GNAQ: variants seen among roughly 807,000 people sequenced by gnomAD.
GNAQ encodes the protein guanine nucleotide-binding protein G(q) subunit alpha.
Under a neutral mutation model 43.9 loss-of-function variants are expected in GNAQ, and 8 were observed. That is an observed-to-expected ratio of 0.18 (90% CI 0.11 to 0.33). The LOEUF is 0.33. Ranked by LOEUF, GNAQ falls within the 10% of genes least tolerant of loss-of-function variation. The pLI is 1.00. For missense variants in GNAQ, 158 were observed against 450.8 expected (o/e 0.35, Z 5.88); for synonymous variants, 155 against 170.7 (o/e 0.91, Z 0.71).
intron 2 of GNAQ, among the ~76,000 whole-genome samples, chr9:77,879,879 G>T (rs1352948460): frequency 3.3e-5 from 5 of 152,130 alleles, no homozygotes; most frequent in Non-Finnish European, 5.9e-5. Context: ...TCTGAAATGT[G>T]GCGAGGCTTG....
intron 2 of GNAQ, among the ~76,000 whole-genome samples, chr9:77,909,309 C>T (rs899006656): frequency 1.3e-5 from 2 of 152,180 alleles, no homozygotes; most frequent in South Asian, 2.1e-4. Flanking sequence ...ATGATCTCAT[C>T]CTGTTGCCAT....
intron 2 of GNAQ, among the ~76,000 whole-genome samples, chr9:77,868,051 T>C (rs1432650402): frequency 1.3e-5 from 2 of 152,236 alleles, no homozygotes; most frequent in African/African-American, 2.4e-5. Flanking sequence ...GCATCTGTGA[T>C]CATCCCTTGT....
chr9:77,726,858 A>G (rs72734713), intron 6 of GNAQ, among the ~76,000 whole-genome samples: 5,019 of 152,246 alleles, frequency 0.033, 101 homozygotes, highest in Middle Eastern at 0.071. Flanking sequence ...GCTCTTAACT[A>G]TCTAGACCAC....
intron 2 of GNAQ, among the ~76,000 whole-genome samples, chr9:77,913,826 T>C (rs1370891553): frequency 6.6e-6 from 1 of 152,160 alleles, no homozygotes; most frequent in Non-Finnish European, 1.5e-5. Context: ...AATCCAGATA[T>C]ACATGTATTG....
intron 5 of GNAQ, among the ~76,000 whole-genome samples, chr9:77,742,142 G>A (rs536341556): frequency 9.9e-5 from 15 of 152,114 alleles, no homozygotes; most frequent in Non-Finnish European, 1.5e-4. Context: ...TTACTTGTAG[G>A]TACAACAAAT....
chr9:77,799,327 C>A (rs904449468), intron 3 of GNAQ, among the ~76,000 whole-genome samples: 1 of 152,162 alleles, frequency 6.6e-6, no homozygotes, highest in Non-Finnish European at 1.5e-5. Flanking sequence ...TTCTAAGATA[C>A]ATAACAAGGA....
intron 1 of GNAQ, among the ~76,000 whole-genome samples, chr9:77,955,098 C>T (rs1465084747): frequency 6.6e-6 from 1 of 152,206 alleles, no homozygotes; most frequent in Non-Finnish European, 1.5e-5. Context: ...TCGAACTCCA[C>T]AGCAGTTGCT....
At chr9:77,811,585 A>G (rs890206291) in intron 3 of GNAQ, among the ~76,000 whole-genome samples, 2 of 152,210 alleles carry the variant, frequency 1.3e-5, no homozygotes, top group Non-Finnish European at 2.9e-5. Context: ...TTCCTGGAGC[A>G]TCTGCAGTGA....
chr9:77,730,062 T>C (rs980749392), intron 5 of GNAQ, among the ~76,000 whole-genome samples: 1 of 152,162 alleles, frequency 6.6e-6, no homozygotes, highest in South Asian at 2.1e-4. Context: ...GAAAAACAAA[T>C]TGGGTCCTGC....
chr9:77,831,265 A>T (rs943150185), intron 2 of GNAQ, among the ~76,000 whole-genome samples: 1 of 152,224 alleles, frequency 6.6e-6, no homozygotes, highest in African/African-American at 2.4e-5. Context: ...AGGATTAAAA[A>T]TTTTCATCAC....
chr9:77,946,771 G>T (rs1822908061), intron 1 of GNAQ, among the ~76,000 whole-genome samples: 1 of 152,190 alleles, frequency 6.6e-6, no homozygotes, highest in African/African-American at 2.4e-5. Context: ...AAAGCCCAGG[G>T]TATCAGATTC....
chr9:77,978,681 T>C (rs141459006), intron 1 of GNAQ, among the ~76,000 whole-genome samples: 30 of 152,332 alleles, frequency 2.0e-4, no homozygotes, highest in African/African-American at 5.8e-4. Flanking sequence ...CCTTTATCAG[T>C]GAACCTGAGT....
chr9:77,915,631 A>G (rs1828888620), intron 2 of GNAQ, among the ~76,000 whole-genome samples: 1 of 148,526 alleles, frequency 6.7e-6, no homozygotes, highest in South Asian at 2.2e-4. Context: ...GAGTTAAAAC[A>G]ATTGAAGCTG....
rs534674598 is a variant in GNAQ at position 77,884,935 on chromosome 9, C to T, written c.321+37226G>A. 3.9e-5 allele frequency among the ~76,000 whole-genome samples: 6 copies of T among 152,172 alleles called. No individual in the cohort carries two copies. The South Asian group carries it at 1.0e-3, about 26-fold the overall frequency. On this transcript the variant is annotated intron_variant, in intron 2 of 6. Transcript: ENST00000286548. ...TCTCCTTTGTAGCTTTGTGATCTTGCGGAAATACACCCATTTCTCAAAGCT... is the reference window on the plus strand; with the variant it reads ...TCTCCTTTGTAGCTTTGTGATCTTGTGGAAATACACCCATTTCTCAAAGCT...
intron 4 of GNAQ, among the ~76,000 whole-genome samples, chr9:77,795,272 A>G (rs187408398): frequency 6.6e-6 from 1 of 152,324 alleles, no homozygotes; most frequent in Admixed American, 6.5e-5. Context: ...AACCATTTCA[A>G]TCATTTGTTT....
At chr9:77,774,731 G>C (rs1826281821) in intron 5 of GNAQ, among the ~76,000 whole-genome samples, 1 of 152,074 alleles carries the variant, frequency 6.6e-6, no homozygotes, top group Admixed American at 6.5e-5. Context: ...CAAAAGTGCT[G>C]GCATTACAGG....
chr9:77,920,560 G>A (rs1269425013), intron 2 of GNAQ, among the ~76,000 whole-genome samples: 4 of 152,104 alleles, frequency 2.6e-5, no homozygotes, highest in African/African-American at 4.8e-5. Context: ...GCATGCTAAC[G>A]ATTTCAGAAA....
chr9:77,913,581 A>G (rs1354393495), intron 2 of GNAQ, among the ~76,000 whole-genome samples: 2 of 152,306 alleles, frequency 1.3e-5, no homozygotes, highest in Non-Finnish European at 2.9e-5. Flanking sequence ...GAATAAAGGA[A>G]TTACAAGTTA....
chr9:78,017,489 A>G (rs1318430063), intron 1 of GNAQ, among the ~76,000 whole-genome samples: 1 of 152,260 alleles, frequency 6.6e-6, no homozygotes, highest in Non-Finnish European at 1.5e-5. Context: ...CATCTGTGAC[A>G]CTGAAACTTG....
Sources: gnomAD v4.1 joint callset for allele counts (sites outside exome capture counted in the v4.1 genomes callset) on GRCh38, gnomAD v4.1.1 for gene constraint, MANE v1.5 for transcripts, NCBI Gene and HGNC (gene_info 2026-07-23, HGNC 2026-07-21) for gene names.